The following NKAIN3 variants were observed in gnomAD, a reference collection of about 807,000 sequenced individuals.
NKAIN3 encodes sodium/potassium-transporting ATPase subunit beta-1-interacting protein 3.
In NKAIN3, 25 loss-of-function variants were observed where a neutral mutation model predicts 30.2. That is an observed-to-expected ratio of 0.83 (90% CI 0.60 to 1.16). NKAIN3 has a LOEUF of 1.16. Ranked by LOEUF, NKAIN3 falls within the 50% of genes most tolerant of loss-of-function variation. NKAIN3 has a pLI of 0.00. For missense variants in NKAIN3, 225 were observed against 254.1 expected (o/e 0.89, Z 0.78); for synonymous variants, 91 against 89.6 (o/e 1.02, Z -0.09).
intron 1 of NKAIN3, among the ~76,000 whole-genome samples, chr8:62,549,359 A>T (rs557456050): frequency 1.4e-4 from 21 of 152,246 alleles, no homozygotes; most frequent in African/African-American, 5.1e-4. Context: ...GGCCTGTTCC[A>T]CATAGTTAGG....
Position 62,821,545 on chromosome 8 carries a change from A to G in NKAIN3, c.471+74416A>G, listed in dbSNP as rs16929620. On this transcript the variant is annotated intron_variant, in intron 4 of 6. Transcript: ENST00000623646. ...GAGGGGAACTCTTTGGGCAAGAAAC[A>G]GAATTTGGAAGACAATTCTGCTTCC... 6.5e-3 allele frequency among the ~76,000 whole-genome samples: 988 copies of G among 152,284 alleles called. 10 individuals are homozygous for G. Among genetic ancestry groups the G allele is most frequent in the African/African-American group, 0.022 (927 of 41,574 alleles).
In NKAIN3 at chr8:62,437,563, T is replaced by C. The variant is rs1805206839; in HGVS notation, c.55-141976T>C. On this transcript the variant is annotated intron_variant, in intron 1 of 6. Coordinates refer to ENST00000623646, the MANE Select transcript of NKAIN3 (RefSeq NM_001304533.3). ...TGCTGAGGCATAAGTCCTCCTGTCTTGCCATGCAAGGAAAGGGCTATGAAA... is the reference window on the plus strand; with the variant it reads ...TGCTGAGGCATAAGTCCTCCTGTCTCGCCATGCAAGGAAAGGGCTATGAAA... Among the ~76,000 whole-genome samples the C allele has an allele frequency of 2.0e-5, 3 of 152,324 alleles. No individual in the cohort carries two copies. The South Asian group carries it at 6.2e-4, about 32-fold the overall frequency.
intron 4 of NKAIN3, among the ~76,000 whole-genome samples, chr8:62,847,147 CA>C (rs1563590868): frequency 6.6e-6 from 1 of 152,092 alleles, no homozygotes; most frequent in African/African-American, 2.4e-5. Flanking sequence ...GCAATGAACA[CA>C]CACACGCATG....
chr8:62,738,621 C>T (rs893142997), intron 3 of NKAIN3, among the ~76,000 whole-genome samples: 13 of 132,348 alleles, frequency 9.8e-5, no homozygotes, highest in African/African-American at 3.2e-4. Context: ...AAAAAAAAGT[C>T]CTCTTTTGAG....
Position 62,695,508 on chromosome 8 carries a change from C to G in NKAIN3, c.274-51424C>G, listed in dbSNP as rs1047997043. On this transcript the variant is annotated intron_variant, in intron 3 of 6. Transcript: ENST00000623646. ...AATGCCTATGGAGCAAGGAATAATA[C>G]TGGGTATCTCTGAAAACAGAATCTG... Among the ~76,000 whole-genome samples, 3 of 152,250 alleles carry G rather than the reference C, an allele frequency of 2.0e-5. No individual in the cohort carries two copies. In the East Asian group the frequency reaches 5.8e-4, roughly 29 times the overall value.
At chr8:62,767,105 T>C (rs1816863428) in intron 4 of NKAIN3, among the ~76,000 whole-genome samples, 2 of 152,110 alleles carry the variant, frequency 1.3e-5, no homozygotes, top group African/African-American at 4.8e-5. Context: ...CCCTTTTAGT[T>C]AGAGAGCTAC....
At chr8:62,762,284 C>G (rs138046492) in intron 4 of NKAIN3, among the ~76,000 whole-genome samples, 3 of 151,012 alleles carry the variant, frequency 2.0e-5, no homozygotes, top group Non-Finnish European at 4.4e-5. Flanking sequence ...CCAGTGCAGT[C>G]CAGCCTGGGC....
chr8:62,463,728 A>G (rs532227459), intron 1 of NKAIN3, among the ~76,000 whole-genome samples: 15 of 152,358 alleles, frequency 9.8e-5, no homozygotes, highest in African/African-American at 3.4e-4. Flanking sequence ...CTGAAACTGT[A>G]TATAACACCA....
intron 1 of NKAIN3, among the ~76,000 whole-genome samples, chr8:62,360,373 T>C (rs1029364317): frequency 6.6e-6 from 1 of 152,190 alleles, no homozygotes; most frequent in African/African-American, 2.4e-5. Context: ...ATAACAGCTT[T>C]TGAAGGCATA....
At chr8:62,413,344 A>G (rs1212994330) in intron 1 of NKAIN3, among the ~76,000 whole-genome samples, 2 of 152,156 alleles carry the variant, frequency 1.3e-5, no homozygotes, top group African/African-American at 4.8e-5. Context: ...GGTATATTCT[A>G]CCAGGATACA....
intron 1 of NKAIN3, among the ~76,000 whole-genome samples, chr8:62,547,200 C>A (rs1585930964): frequency 6.6e-6 from 1 of 152,258 alleles, no homozygotes; most frequent in East Asian, 1.9e-4. Flanking sequence ...TTTATGTGAG[C>A]TGCCTGGATT....
At chr8:62,460,255 T>C (rs898029179) in intron 1 of NKAIN3, among the ~76,000 whole-genome samples, 8 of 151,590 alleles carry the variant, frequency 5.3e-5, no homozygotes, top group Admixed American at 2.0e-4. Flanking sequence ...CTACTAAAAA[T>C]ACAAAAATTA....
intron 4 of NKAIN3, among the ~76,000 whole-genome samples, chr8:62,827,770 G>T (rs186706212): frequency 6.6e-6 from 1 of 151,960 alleles, no homozygotes; most frequent in Non-Finnish European, 1.5e-5. Context: ...TTCAACCATT[G>T]GCAATACAAT....
intron 3 of NKAIN3, among the ~76,000 whole-genome samples, chr8:62,746,062 C>T (rs921414707): frequency 3.9e-5 from 6 of 152,232 alleles, no homozygotes; most frequent in Admixed American, 6.5e-5. Context: ...TCTCACTGTT[C>T]TGAAGGCCAG....
At chr8:62,395,937 G>A (rs1329770597) in intron 1 of NKAIN3, among the ~76,000 whole-genome samples, 1 of 152,114 alleles carries the variant, frequency 6.6e-6, no homozygotes, top group African/African-American at 2.4e-5. Context: ...ATTGTAAAAT[G>A]TGTATTTAAA....
At chr8:62,378,085 G>A (rs1375300855) in intron 1 of NKAIN3, among the ~76,000 whole-genome samples, 2 of 152,166 alleles carry the variant, frequency 1.3e-5, no homozygotes, top group Non-Finnish European at 2.9e-5. Context: ...CCAAAATGCT[G>A]ATAGTGATAT....
chr8:62,726,790 C>T (rs1815272576), intron 3 of NKAIN3, among the ~76,000 whole-genome samples: 1 of 151,980 alleles, frequency 6.6e-6, no homozygotes, highest in Admixed American at 6.6e-5. Flanking sequence ...AGAAATTATG[C>T]TATTGTTCTA....
chr8:62,821,897 G>A (rs999625801), intron 4 of NKAIN3, among the ~76,000 whole-genome samples: 18 of 151,186 alleles, frequency 1.2e-4, no homozygotes, highest in East Asian at 9.7e-4. Context: ...ATAAAAATTC[G>A]GCGAATTTTT....
chr8:62,339,426 G>A (rs1470700840), intron 1 of NKAIN3, among the ~76,000 whole-genome samples: 3 of 152,030 alleles, frequency 2.0e-5, no homozygotes, highest in African/African-American at 4.8e-5. Flanking sequence ...TGGAACAAAA[G>A]TGGAAGTGGG....
Sources: gnomAD v4.1 joint callset for allele counts (sites outside exome capture counted in the v4.1 genomes callset) on GRCh38, gnomAD v4.1.1 for gene constraint, MANE v1.5 for transcripts, NCBI Gene and HGNC (gene_info 2026-07-23, HGNC 2026-07-21) for gene names.